Variants in C4orf50 observed in about 807,000 individuals in gnomAD.
C4orf50 encodes uncharacterized protein C4orf50.
A neutral mutation model predicts 77.2 loss-of-function variants in C4orf50; 80 were observed. That is an observed-to-expected ratio of 1.04 (90% CI 0.87 to 1.25). The LOEUF (loss-of-function observed/expected upper bound fraction) is 1.25. Ranked by LOEUF, C4orf50 falls within the 50% of genes most tolerant of loss-of-function variation. The probability of loss-of-function intolerance (pLI) is 0.00; values close to 1 mark genes in which losing one functional copy is unlikely to be tolerated. For missense variants in C4orf50, 1,257 were observed against 1,152.9 expected (o/e 1.09, Z -1.31); for synonymous variants, 532 against 465.3 (o/e 1.14, Z -1.84).
At chr4:5,980,454 T>C in intron 28 of C4orf50, 116 bp from the exon 7 acceptor site, 1 of 900,354 alleles carries the variant, frequency 1.1e-6, no homozygotes, top group South Asian at 1.7e-5. Context: ...TTGTTGTTGT[T>C]TTCCTGCTTA....
At chr4:5,922,768 T>G (rs1013547700) in intron 7 of C4orf50, among the ~76,000 whole-genome samples, 2 of 152,150 alleles carry the variant, frequency 1.3e-5, no homozygotes, top group African/African-American at 4.8e-5. Context: ...GATGCCAGAC[T>G]CTAGGGTGGG....
chr4:5,962,369 C>T (rs1719319720), intron 33 of C4orf50, among the ~76,000 whole-genome samples: 1 of 152,238 alleles, frequency 6.6e-6, no homozygotes, highest in African/African-American at 2.4e-5. Context: ...AGCTGAAGAA[C>T]ACCTGACCAA....
At chr4:5,990,459 G>T (rs938690210) in exon 28 of C4orf50, 1 of 400,926 alleles carries the variant, frequency 2.5e-6, no homozygotes, top group Non-Finnish European at 4.4e-6. Context: ...TTGAAATGTA[G>T]GGGGCCTCGT....
At chr4:5,988,964 G>C in exon 28 of C4orf50, 3 of 1,536,066 alleles carry the variant, frequency 2.0e-6, no homozygotes, top group Non-Finnish European at 2.6e-6. Context: ...AGTTGGCCCA[G>C]ATTCCCTTTC....
chr4:5,989,538 TCC>T lies in C4orf50; in HGVS notation c.2506_2507del (p.Gly836ArgfsTer30). On this transcript the variant is annotated frameshift_variant, in exon 28 of 34. Transcript: ENST00000531445. LOFTEE classifies it high-confidence loss of function. ...ACTTCTGAGCAAAGCTCCAGTTCTC[TCC>T]CCTACATGCAGAGGCTGAGCACTGC... The T allele has an allele frequency of 1.3e-6, 2 of 1,536,054 alleles. No homozygotes were observed. Among genetic ancestry groups the T allele is most frequent in the Non-Finnish European group, 1.7e-6 (2 of 1,146,870 alleles).
chr4:5,928,324 T>C (rs987555810), intron 7 of C4orf50, among the ~76,000 whole-genome samples: 3 of 151,718 alleles, frequency 2.0e-5, no homozygotes, highest in East Asian at 1.9e-4. Flanking sequence ...TTTCATGGGC[T>C]AGCTCTTGCT....
chr4:5,934,703 G>C (rs771958095), intron 7 of C4orf50, among the ~76,000 whole-genome samples: 2 of 152,174 alleles, frequency 1.3e-5, no homozygotes, highest in Non-Finnish European at 2.9e-5. Context: ...GTCCTGGCCC[G>C]TGAGCTCCTG....
intron 28 of C4orf50, among the ~76,000 whole-genome samples, chr4:5,981,150 A>G (rs1462161005): frequency 6.6e-6 from 1 of 152,108 alleles, no homozygotes; most frequent in African/African-American, 2.4e-5. Context: ...AAAATATGAT[A>G]TATTTGTTTT....
intron 33 of C4orf50, among the ~76,000 whole-genome samples, chr4:5,964,505 C>T (rs1241648088): frequency 2.6e-5 from 4 of 152,126 alleles, no homozygotes; most frequent in Admixed American, 2.0e-4. Flanking sequence ...TATGGTGGCT[C>T]ATGCCTGTAA....
At chr4:5,986,922 C>T (rs780140006) in intron 28 of C4orf50, among the ~76,000 whole-genome samples, 9 of 152,096 alleles carry the variant, frequency 5.9e-5, no homozygotes, top group Non-Finnish European at 1.3e-4. Context: ...AGTACATATT[C>T]CTTACCTCTA....
chr4:5,936,676 AG>A (rs1718035064), intron 7 of C4orf50, among the ~76,000 whole-genome samples: 1 of 151,510 alleles, frequency 6.6e-6, no homozygotes, highest in African/African-American at 2.4e-5. Context: ...CATGAGTTTC[AG>A]AAGGAAAGAA....
At chr4:5,974,663 G>A (rs755596228) in intron 30 of C4orf50, among the ~76,000 whole-genome samples, 1 of 152,164 alleles carries the variant, frequency 6.6e-6, no homozygotes, top group Non-Finnish European at 1.5e-5. Flanking sequence ...CAGAGAGAAA[G>A]AGCAGAGCCC....
At chr4:6,002,385 G>T (rs1721868821) in intron 25 of C4orf50, among the ~76,000 whole-genome samples, 1 of 152,212 alleles carries the variant, frequency 6.6e-6, no homozygotes, top group African/African-American at 2.4e-5. Context: ...ACCTAGGAGA[G>T]AATAAATGTC....
In C4orf50 at chr4:5,937,561, G is replaced by T. The variant is rs565022542; in HGVS notation, c.*2474+19340C>A. ...TATACATATATTTGTCAGCTATAAT[G>T]TATATATTATGATATACATATATCA... is the stretch of plus-strand genomic sequence containing the variant. On this transcript the variant is annotated intron_variant, in intron 7 of 7. Transcript: ENST00000324058. 3.2e-4 allele frequency among the ~76,000 whole-genome samples: 49 copies of T among 152,170 alleles called. No homozygotes were observed. In the South Asian group the frequency reaches 8.5e-3, roughly 26 times the overall value.
intron 33 of C4orf50, among the ~76,000 whole-genome samples, chr4:5,961,073 G>A (rs890126533): frequency 6.6e-6 from 1 of 152,186 alleles, no homozygotes; most frequent in African/African-American, 2.4e-5. Flanking sequence ...AAGGAACTGA[G>A]GGCTCCCCAG....
chr4:5,992,857 G>A lies in C4orf50; in HGVS notation c.1167C>T (p.Gly389=). Residue 389 remains glycine, a synonymous_variant, in exon 27 of 34, where the codon GGC becomes GGT. Coordinates refer to ENST00000531445, the Ensembl canonical transcript of C4orf50. This position sits in a 1 kb window ranked among gnomAD's most constrained non-coding sequence, Gnocchi z 5.0. ...TGGGGAGCTCGCTTGTGGTCTCCGG[G>A]CCTGGAGCCAAAACAGAAGAGGCCC... is the stretch of plus-strand genomic sequence containing the variant. 1 of 399,156 alleles carries A rather than the reference G, an allele frequency of 2.5e-6. No individual in the cohort carries two copies. The highest frequency in any genetic ancestry group is 2.1e-5 in the African/African-American group (1 of 48,768). 24.7% of individuals were successfully genotyped at this position (399,156 alleles called of 1,614,324 possible). A position where few individuals can be genotyped will look rare whatever the true frequency, so the allele number is the denominator to read the frequency against.
chr4:6,004,209 AT>A (rs1722071685), intron 25 of C4orf50, among the ~76,000 whole-genome samples: 1 of 61,408 alleles, frequency 1.6e-5, no homozygotes, highest in Non-Finnish European at 3.6e-5. Context: ...GATGGTGATG[AT>A]GGTGATGGTG....
intron 25 of C4orf50, among the ~76,000 whole-genome samples, chr4:5,996,509 C>A (rs374287007): frequency 6.6e-6 from 1 of 151,534 alleles, no homozygotes; most frequent in African/African-American, 2.4e-5. Flanking sequence ...CACCTCAGAG[C>A]CTTTGCACAC....
intron 25 of C4orf50, among the ~76,000 whole-genome samples, chr4:5,996,588 G>A (rs532161518): frequency 6.6e-6 from 1 of 152,160 alleles, no homozygotes; most frequent in Non-Finnish European, 1.5e-5. Flanking sequence ...CTTAAAGGCC[G>A]ATCTTTAATG....
Sources: allele counts gnomAD v4.1 joint callset (sites outside exome capture counted in the v4.1 genomes callset), GRCh38; gene constraint gnomAD v4.1.1; non-coding constraint Gnocchi (gnomAD v3.1); transcripts MANE v1.5; gene names NCBI Gene and HGNC (gene_info 2026-07-23, HGNC 2026-07-21).